Variants in NFIB observed in about 807,000 individuals in gnomAD.
NFIB encodes the protein nuclear factor I B, also known as nuclear factor 1 B-type.
In NFIB, 11 loss-of-function variants were observed where a neutral mutation model predicts 61.5. That is an observed-to-expected ratio of 0.18 (90% CI 0.11 to 0.30). The LOEUF (loss-of-function observed/expected upper bound fraction) is 0.30. Among genes scored for constraint, NFIB ranks in the 10% least tolerant of loss-of-function variants. The pLI, the probability that NFIB is intolerant of heterozygous loss-of-function variation, is 1.00. For missense variants in NFIB, 471 were observed against 608.9 expected (o/e 0.77, Z 2.38); for synonymous variants, 260 against 216.5 (o/e 1.20, Z -1.76).
the NFIB span, among the ~76,000 whole-genome samples, chr9:14,520,627 T>A: frequency 2.6e-5 from 4 of 152,208 alleles, no homozygotes; most frequent in African/African-American, 9.7e-5. Flanking sequence ...TCTGAAGCAC[T>A]TCTGTGCAGA....
chr9:14,417,456 C>G, the NFIB span, among the ~76,000 whole-genome samples: 1 of 152,156 alleles, frequency 6.6e-6, no homozygotes, highest in African/African-American at 2.4e-5. Flanking sequence ...ACGTATTCAT[C>G]GTGACTGTAT....
At chr9:14,473,674 G>A in the NFIB span, among the ~76,000 whole-genome samples, 2 of 152,160 alleles carry the variant, frequency 1.3e-5, no homozygotes, top group Non-Finnish European at 2.9e-5. Context: ...CCAGTTTGAG[G>A]ACAGTTCCAT....
the NFIB span, among the ~76,000 whole-genome samples, chr9:14,480,526 C>T: frequency 6.6e-6 from 1 of 152,148 alleles, no homozygotes; most frequent in Non-Finnish European, 1.5e-5. Context: ...CTCATCATAG[C>T]CTTCCTGGGT....
chr9:14,159,853 AG>A (rs1385411435), intron 3 of NFIB, among the ~76,000 whole-genome samples: 2 of 152,214 alleles, frequency 1.3e-5, no homozygotes, highest in Non-Finnish European at 2.9e-5. Flanking sequence ...GTAACCTCCA[AG>A]GTCCTTGGGC....
the NFIB span, among the ~76,000 whole-genome samples, chr9:14,529,518 T>C: frequency 6.6e-6 from 1 of 152,302 alleles, no homozygotes; most frequent in East Asian, 1.9e-4. Flanking sequence ...AAATCTTCCT[T>C]ACATCCACAA....
At chr9:14,531,293 A>T in the NFIB span, among the ~76,000 whole-genome samples, 1 of 152,238 alleles carries the variant, frequency 6.6e-6, no homozygotes, top group Non-Finnish European at 1.5e-5. Flanking sequence ...TAAGAGGGGA[A>T]AAACAGCAAC....
At chr9:14,456,209 A>ATTTTTTTTTTT in the NFIB span, among the ~76,000 whole-genome samples, 1 of 148,936 alleles carries the variant, frequency 6.7e-6, no homozygotes, top group Non-Finnish European at 1.5e-5. Flanking sequence ...ACTACTTGGC[A>ATTTTTTTTTTT]TTTTTTTTTT....
upstream of NFIB, among the ~76,000 whole-genome samples, chr9:14,400,909 T>C (rs2061736603): frequency 6.6e-6 from 1 of 152,230 alleles, no homozygotes; most frequent in Non-Finnish European, 1.5e-5. Flanking sequence ...GCCTTTCTGG[T>C]GAGCCACTTC....
At chr9:14,256,012 T>C (rs183495274) in intron 2 of NFIB, among the ~76,000 whole-genome samples, 44 of 152,328 alleles carry the variant, frequency 2.9e-4, no homozygotes, top group African/African-American at 1.0e-3. Flanking sequence ...TCTTGAGAAG[T>C]CCCTTAATTC....
chr9:14,339,086 C>T (rs2060919527), intron 1 of NFIB, among the ~76,000 whole-genome samples: 1 of 152,144 alleles, frequency 6.6e-6, no homozygotes, highest in Non-Finnish European at 1.5e-5. Context: ...TCTTGTTTCC[C>T]CTGAAACTCA....
the NFIB span, chr9:14,531,788 T>G: frequency 2.0e-5 from 3 of 152,032 alleles, no homozygotes; most frequent in African/African-American, 4.8e-5. Flanking sequence ...AGCACACTGG[T>G]GTGCAGAGGC....
In NFIB at chr9:14,116,328, C is replaced by T. The variant is rs72698746; in HGVS notation, c.1264G>A (p.Val422Ile). The change falls in exon 9 of 11, where the codon GTA becomes ATA. Residue 422 changes from valine to isoleucine, a missense_variant. Val to Ile is a conservative substitution (Grantham distance 29, BLOSUM62 3). Around this residue, in one of 2 missense-constraint regions of NFIB, gnomAD observed 372 missense variants for 395.6 expected, o/e 0.94. Coordinates refer to ENST00000380953, the MANE Select transcript of NFIB (RefSeq NM_001190737.2). ...QTSQPNGSGQVVGKVPGHFTP... is the reference protein window; with the variant it reads ...QTSQPNGSGQIVGKVPGHFTP... ...AAATGGCCAGGCACTTTCCCTACTA[C>T]TTGACCACTGCCGTTAGGCTACAAA... 40 of 1,523,386 alleles carry T rather than the reference C, an allele frequency of 2.6e-5. No homozygotes were observed. The highest frequency in any genetic ancestry group is 1.5e-4 in the South Asian group (12 of 78,704). The allele number at this position is 1,523,386 out of a possible 1,614,324, so 94.4% of individuals were successfully genotyped here.
At chr9:14,246,997 A>G (rs1047501071) in intron 2 of NFIB, among the ~76,000 whole-genome samples, 1 of 148,516 alleles carries the variant, frequency 6.7e-6, no homozygotes, top group Non-Finnish European at 1.5e-5. Flanking sequence ...TTCTTTCACT[A>G]TATCTCTCTC....
At chr9:14,492,555 T>C in the NFIB span, among the ~76,000 whole-genome samples, 1 of 151,944 alleles carries the variant, frequency 6.6e-6, no homozygotes, top group Non-Finnish European at 1.5e-5. Context: ...GCACTTCACA[T>C]GGCCAGAGCA....
At chr9:14,264,389 G>C (rs369046807) in intron 2 of NFIB, among the ~76,000 whole-genome samples, 1 of 151,974 alleles carries the variant, frequency 6.6e-6, no homozygotes, top group Non-Finnish European at 1.5e-5. Flanking sequence ...TCAAAAGTAC[G>C]TGCCCAATAA....
chr9:14,152,371 A>C (rs2042960844), intron 4 of NFIB, among the ~76,000 whole-genome samples: 1 of 152,132 alleles, frequency 6.6e-6, no homozygotes, highest in Non-Finnish European at 1.5e-5. Context: ...AATGTGAGGT[A>C]AGAAATCCCA....
At chr9:14,304,782 G>C (rs1174446350) in intron 2 of NFIB, among the ~76,000 whole-genome samples, 1 of 152,190 alleles carries the variant, frequency 6.6e-6, no homozygotes, top group Non-Finnish European at 1.5e-5. Flanking sequence ...TAACTGACCG[G>C]AGAATTATCT....
At chr9:14,165,283 T>C (rs755142331) in intron 3 of NFIB, among the ~76,000 whole-genome samples, 2 of 152,176 alleles carry the variant, frequency 1.3e-5, no homozygotes, top group African/African-American at 4.8e-5. Flanking sequence ...TAAGCCTCTA[T>C]GAGGCCAGCA....
intron 2 of NFIB, among the ~76,000 whole-genome samples, chr9:14,274,052 T>A (rs2057817219): frequency 6.6e-6 from 1 of 152,214 alleles, no homozygotes; most frequent in Non-Finnish European, 1.5e-5. Context: ...GCCACGATAC[T>A]GCAAGCCTAA....
Sources: allele counts gnomAD v4.1 joint callset (sites outside exome capture counted in the v4.1 genomes callset), GRCh38; gene constraint gnomAD v4.1.1; regional missense constraint gnomAD v4.1.1; transcripts MANE v1.5; gene names NCBI Gene and HGNC (gene_info 2026-07-23, HGNC 2026-07-21).